Variants in UBR2 observed in about 807,000 individuals in gnomAD.
UBR2 encodes E3 ubiquitin-protein ligase UBR2.
In UBR2, 92 loss-of-function variants were observed where a neutral mutation model predicts 247.9. The observed-to-expected ratio is 0.37, with a 90% CI of 0.31 to 0.44. UBR2 has a LOEUF of 0.44. UBR2 is among the 20% of genes least tolerant of loss of function. The probability of loss-of-function intolerance (pLI) is 1.00; values close to 1 mark genes in which losing one functional copy is unlikely to be tolerated. For missense variants in UBR2, 1,613 were observed against 2,112.6 expected (o/e 0.76, Z 4.64); for synonymous variants, 672 against 693.5 (o/e 0.97, Z 0.49).
chr6:42,663,392 T>C lies in UBR2; in HGVS notation c.3671T>C (p.Leu1224Pro). 6.2e-7 allele frequency: 1 copy of C among 1,609,736 alleles called. No individual in the cohort carries two copies. Among genetic ancestry groups the C allele is most frequent in the Non-Finnish European group, 8.5e-7 (1 of 1,178,598 alleles). ...TTGAGTAATACTGTTATTCCTCTGC[T>C]GCTTCCTCCAAGAAATATTTTTAAC... is the stretch of plus-strand genomic sequence containing the variant. ...ECLSNTVIPLLLPPRNIFNNR... is the reference protein window; with the variant it reads ...ECLSNTVIPLPLPPRNIFNNR... Residue 1224 changes from leucine (L) to proline (P), a missense_variant, in exon 32 of 47, where the codon CTG becomes CCG. Physicochemically the swap from Leu to Pro is moderately conservative, Grantham distance 98. Coordinates refer to ENST00000372901, the MANE Select transcript of UBR2 (RefSeq NM_001363705.2).
intron 11 of UBR2, chr6:42,619,437 A>ATTTTTTTTTTT (rs1426180041): frequency 4.7e-5 from 1 of 21,204 alleles, no homozygotes; most frequent in Non-Finnish European, 9.3e-5. Context: ...ATATATATAT[A>ATTTTTTTTTTT]TATATATATA....
chr6:42,677,385 G>A (rs991456278), intron 40 of UBR2, among the ~76,000 whole-genome samples: 6 of 152,080 alleles, frequency 3.9e-5, no homozygotes, highest in Non-Finnish European at 8.8e-5. Flanking sequence ...CTGTAGTCAG[G>A]AACCTATAAA....
intron 39 of UBR2, among the ~76,000 whole-genome samples, chr6:42,676,550 TAC>T (rs1364675065): frequency 6.6e-6 from 1 of 152,238 alleles, no homozygotes; most frequent in Non-Finnish European, 1.5e-5. Flanking sequence ...TTGTTTTTCA[TAC>T]ACTTTAAGAC....
chr6:42,621,997 T>C (rs1795018075), intron 11 of UBR2, among the ~76,000 whole-genome samples: 1 of 152,128 alleles, frequency 6.6e-6, no homozygotes, highest in Non-Finnish European at 1.5e-5. Context: ...ATAGTTGTCA[T>C]TATAGAGGGC....
intron 11 of UBR2, among the ~76,000 whole-genome samples, chr6:42,623,640 CG>C (rs1310883115): frequency 6.6e-6 from 1 of 152,022 alleles, no homozygotes; most frequent in Non-Finnish European, 1.5e-5. Flanking sequence ...TTAGTAGAGA[CG>C]GGGTTTCACC....
At chr6:42,648,028 T>C (rs925021015) in intron 21 of UBR2, 90 bp from the exon 22 acceptor site, 6 of 997,390 alleles carry the variant, frequency 6.0e-6, no homozygotes, top group Admixed American at 2.0e-5. Context: ...CTACCTTAGG[T>C]TGTTATGAGG....
chr6:42,585,792 T>C (rs1179801823), intron 2 of UBR2, among the ~76,000 whole-genome samples: 8 of 152,178 alleles, frequency 5.3e-5, no homozygotes, highest in Non-Finnish European at 5.9e-5. Flanking sequence ...GTAATAGTAA[T>C]TTGTATTTTG....
At chr6:42,623,487 T>C (rs1795135577) in intron 11 of UBR2, among the ~76,000 whole-genome samples, 1 of 152,190 alleles carries the variant, frequency 6.6e-6, no homozygotes, top group Admixed American at 6.5e-5. Flanking sequence ...AGCCTCACTC[T>C]GTCGCGCAGG....
intron 14 of UBR2, among the ~76,000 whole-genome samples, chr6:42,635,854 A>G (rs921620155): frequency 1.3e-5 from 2 of 152,220 alleles, no homozygotes; most frequent in Non-Finnish European, 2.9e-5. Context: ...AATTTATTCA[A>G]AAATAAAGTT....
At position 42,653,612 on chromosome 6, in the gene UBR2, T is replaced by G. The variant is rs1025364617; in HGVS notation, c.2769+967T>G. On this transcript the variant is annotated intron_variant, in intron 25 of 46. Coordinates refer to ENST00000372901, the MANE Select transcript of UBR2 (RefSeq NM_001363705.2). ...CCTTATTCCATGCTAAGCCCTTTTT[T>G]TTTTTTTTTTTTTTTTTTTTTTGAG... 1.1e-4 allele frequency among the ~76,000 whole-genome samples: 14 copies of G among 128,676 alleles called. No homozygotes were observed. In the South Asian group the frequency reaches 1.4e-3, roughly 13 times the overall value. 84.4% of individuals were successfully genotyped at this position (128,676 alleles called of 152,430 possible).
At chr6:42,584,528 A>G (rs1251845122) in intron 2 of UBR2, among the ~76,000 whole-genome samples, 3 of 152,140 alleles carry the variant, frequency 2.0e-5, no homozygotes, top group African/African-American at 7.2e-5. Context: ...TTTTAAAATT[A>G]GTTTGTAAAT....
At chr6:42,667,845 C>G (rs1218399691) in intron 34 of UBR2, among the ~76,000 whole-genome samples, 1 of 150,492 alleles carries the variant, frequency 6.6e-6, no homozygotes, top group Admixed American at 6.6e-5. Flanking sequence ...CTGCAGCCTC[C>G]CCTCCCGGGT....
chr6:42,653,636 A>G (rs1434268078), intron 25 of UBR2, among the ~76,000 whole-genome samples: 4 of 29,310 alleles, frequency 1.4e-4, no homozygotes, highest in Non-Finnish European at 1.9e-4. Context: ...TTTTTTTTTG[A>G]GACAGTTTTG....
At chr6:42,648,018 C>T (rs1426248176) in intron 21 of UBR2, 100 bp from the exon 22 acceptor site, 2 of 825,732 alleles carry the variant, frequency 2.4e-6, no homozygotes, top group African/African-American at 3.4e-5. Flanking sequence ...TAAGGTGTAT[C>T]TACCTTAGGT....
At chr6:42,690,803 G>T (rs1478569098) in intron 46 of UBR2, among the ~76,000 whole-genome samples, 1 of 152,062 alleles carries the variant, frequency 6.6e-6, no homozygotes, top group Non-Finnish European at 1.5e-5. Flanking sequence ...GGGTAAGTCT[G>T]GTTTGTGTAC....
At chr6:42,679,697 C>T (rs1798918396) in intron 41 of UBR2, 27 bp from the exon 42 acceptor site, 1 of 1,511,430 alleles carries the variant, frequency 6.6e-7, no homozygotes, top group Admixed American at 1.7e-5. Context: ...TTGTTATATG[C>T]ACTCTTTTCT....
chr6:42,589,261 A>G (rs981459971), intron 2 of UBR2, among the ~76,000 whole-genome samples: 2 of 152,184 alleles, frequency 1.3e-5, no homozygotes, highest in Non-Finnish European at 2.9e-5. Context: ...GAGCCACTGC[A>G]CCAACTATCA....
Position 42,591,432 on chromosome 6 carries a change from C to A in UBR2, c.339-719C>A, listed in dbSNP as rs572921278. On this transcript the variant is annotated intron_variant, in intron 2 of 46. Transcript: ENST00000372901. ...TTCATTTCATGGAATTGTCTAGATTCTCTTAAGATATGATCTATAAATGTA... is the reference window on the plus strand; with the variant it reads ...TTCATTTCATGGAATTGTCTAGATTATCTTAAGATATGATCTATAAATGTA... Among the ~76,000 whole-genome samples the A allele has an allele frequency of 3.9e-5, 6 of 152,226 alleles. No homozygotes were observed. In the South Asian group the frequency reaches 1.0e-3, roughly 26 times the overall value.
intron 4 of UBR2, among the ~76,000 whole-genome samples, chr6:42,595,755 A>G (rs1294272103): frequency 6.6e-6 from 1 of 151,744 alleles, no homozygotes; most frequent in Non-Finnish European, 1.5e-5. Context: ...TGGTACCCAT[A>G]TCCTACAGGT....
Sources: allele counts gnomAD v4.1 joint callset (sites outside exome capture counted in the v4.1 genomes callset), GRCh38; gene constraint gnomAD v4.1.1; transcripts MANE v1.5; gene names NCBI Gene and HGNC (gene_info 2026-07-23, HGNC 2026-07-21).